Variants in SYNPR observed in about 807,000 individuals in gnomAD.
SYNPR encodes the protein synaptoporin.
Under a neutral mutation model 32.9 loss-of-function variants are expected in SYNPR, and 23 were observed. That is an observed-to-expected ratio of 0.70 (90% CI 0.50 to 0.99). The LOEUF is 0.99. Ranked by LOEUF, SYNPR falls within the 50% of genes least tolerant of loss-of-function variation. The probability of loss-of-function intolerance (pLI) is 0.00; values close to 1 mark genes in which losing one functional copy is unlikely to be tolerated. For missense variants in SYNPR, 318 were observed against 349.3 expected (o/e 0.91, Z 0.71); for synonymous variants, 146 against 135.9 (o/e 1.07, Z -0.52).
At chr3:63,406,416 G>A (rs1167581971) in intron 2 of SYNPR, among the ~76,000 whole-genome samples, 1 of 151,902 alleles carries the variant, frequency 6.6e-6, no homozygotes, top group Non-Finnish European at 1.5e-5. Flanking sequence ...GCCAGGTTTA[G>A]GGAATGTATT....
At chr3:63,334,940 C>A (rs2087269757) in intron 2 of SYNPR, among the ~76,000 whole-genome samples, 1 of 152,134 alleles carries the variant, frequency 6.6e-6, no homozygotes, top group Non-Finnish European at 1.5e-5. Flanking sequence ...GGAATGAGCC[C>A]CTCACATGCA....
At chr3:63,554,677 G>C (rs992648165) in intron 3 of SYNPR, among the ~76,000 whole-genome samples, 5 of 151,638 alleles carry the variant, frequency 3.3e-5, no homozygotes, top group African/African-American at 1.2e-4. Flanking sequence ...GCTTAAGACT[G>C]TTTTGGCTAT....
At chr3:63,615,100 T>G (rs1700258524) in intron 5 of SYNPR, 124 bp from the exon 6 acceptor site, 2 of 1,208,912 alleles carry the variant, frequency 1.7e-6, no homozygotes, top group African/African-American at 3.1e-5. Context: ...ATGGAAAACT[T>G]GGAAGCGGAC....
intron 4 of SYNPR, among the ~76,000 whole-genome samples, chr3:63,581,303 G>A (rs1703087380): frequency 7.3e-6 from 1 of 136,562 alleles, no homozygotes; most frequent in South Asian, 2.7e-4. Context: ...GGTTGGTGGA[G>A]GAGGGAGGTT....
At chr3:63,379,219 G>A (rs868466174) in intron 2 of SYNPR, among the ~76,000 whole-genome samples, 20 of 152,050 alleles carry the variant, frequency 1.3e-4, no homozygotes, top group Middle Eastern at 6.8e-3. Flanking sequence ...CTTGGATATG[G>A]CCTGTCTTTG....
chr3:63,374,602 A>G (rs2087861418), intron 2 of SYNPR, among the ~76,000 whole-genome samples: 2 of 152,212 alleles, frequency 1.3e-5, no homozygotes, highest in South Asian at 4.1e-4. Flanking sequence ...TTAAAAAAAG[A>G]ATTTAAATAA....
intron 3 of SYNPR, among the ~76,000 whole-genome samples, chr3:63,550,702 C>T (rs1702485104): frequency 6.6e-6 from 1 of 152,222 alleles, no homozygotes; most frequent in Non-Finnish European, 1.5e-5. Context: ...CATGCTGATC[C>T]TGGGGTGCAG....
At chr3:63,218,051 G>A in the SYNPR span, among the ~76,000 whole-genome samples, 1 of 152,062 alleles carries the variant, frequency 6.6e-6, no homozygotes. Flanking sequence ...AAATTCTCAA[G>A]GGCAACGGGA....
chr3:63,379,220 C>T (rs2087933742), intron 2 of SYNPR, among the ~76,000 whole-genome samples: 1 of 151,880 alleles, frequency 6.6e-6, no homozygotes, highest in Non-Finnish European at 1.5e-5. Context: ...TTGGATATGG[C>T]CTGTCTTTGT....
chr3:63,270,941 CCTTCTTTTCTTCCTTCCTTCCTTCCTT>C (rs1215642477), intron 3 of SYNPR, among the ~76,000 whole-genome samples: 410 of 27,740 alleles, frequency 0.015, 3 homozygotes, highest in African/African-American at 0.051. Context: ...TTCCTTCCTT[CCTTCTTTTCTTCCTTCCTTCCTTCCTT>C]CTTTTCTTCC....
intron 3 of SYNPR, among the ~76,000 whole-genome samples, chr3:63,494,524 T>TAC (rs1201508094): frequency 0.18 from 10,305 of 57,702 alleles, 1,094 homozygotes; most frequent in East Asian, 0.36. Context: ...CATATATACA[T>TAC]ATATATATAT....
chr3:63,454,364 G>C (rs1700439100), intron 2 of SYNPR, among the ~76,000 whole-genome samples: 1 of 152,068 alleles, frequency 6.6e-6, no homozygotes. Context: ...CTCAGTATTT[G>C]AAAATTTTAA....
At chr3:63,538,899 C>T (rs1702254524) in intron 3 of SYNPR, among the ~76,000 whole-genome samples, 1 of 152,004 alleles carries the variant, frequency 6.6e-6, no homozygotes, top group Non-Finnish European at 1.5e-5. Flanking sequence ...CTTTCTATGT[C>T]TTACTTTTTT....
intron 2 of SYNPR, among the ~76,000 whole-genome samples, chr3:63,344,653 G>A (rs2087413662): frequency 6.6e-6 from 1 of 151,352 alleles, no homozygotes; most frequent in Non-Finnish European, 1.5e-5. Flanking sequence ...ACTGCCTGGT[G>A]GGTTGTTTTT....
In SYNPR at chr3:63,381,325, G is replaced by A. The variant is rs1175999822; in HGVS notation, c.85-99507G>A. ...ACAATTGCTTCAAAGAGAATAAAAT[G>A]CCTAGGAATCCAACTTACAAGGGAT... On this transcript the variant is annotated intron_variant, in intron 2 of 5. Transcript: ENST00000478300. Among the ~76,000 whole-genome samples the A allele has an allele frequency of 7.9e-5, 12 of 152,158 alleles. No homozygotes were observed. The East Asian group carries it at 1.2e-3, about 15-fold the overall frequency.
intron 2 of SYNPR, among the ~76,000 whole-genome samples, chr3:63,310,212 T>G (rs977229313): frequency 3.3e-5 from 5 of 151,952 alleles, no homozygotes; most frequent in African/African-American, 1.2e-4. Context: ...TTTGGTCTCC[T>G]TATTTGTTTT....
chr3:63,530,092 T>C (rs1453908969), intron 3 of SYNPR, among the ~76,000 whole-genome samples: 8 of 151,966 alleles, frequency 5.3e-5, no homozygotes, highest in Non-Finnish European at 1.0e-4. Context: ...AGTATTCCCA[T>C]GACCAAGGGA....
At chr3:63,388,262 C>G (rs761774026) in intron 2 of SYNPR, among the ~76,000 whole-genome samples, 2 of 151,968 alleles carry the variant, frequency 1.3e-5, no homozygotes, top group Non-Finnish European at 2.9e-5. Context: ...ATAATATGTC[C>G]TTTATTCCTG....
intron 2 of SYNPR, chr3:63,267,188 G>A (rs1021833543): frequency 6.6e-6 from 1 of 152,174 alleles, no homozygotes; most frequent in African/African-American, 2.4e-5. Flanking sequence ...ACTAATGGTG[G>A]ACTAATCAAA....
Sources: allele counts gnomAD v4.1 joint callset (sites outside exome capture counted in the v4.1 genomes callset), GRCh38; gene constraint gnomAD v4.1.1; transcripts MANE v1.5; gene names NCBI Gene and HGNC (gene_info 2026-07-23, HGNC 2026-07-21).